The following PLIN2 variants were observed in gnomAD, a reference collection of about 807,000 sequenced individuals.
The protein encoded by PLIN2 is perilipin 2, also known as perilipin-2.
A neutral mutation model predicts 30.6 loss-of-function variants in PLIN2; 33 were observed. That is an observed-to-expected ratio of 1.08 (90% CI 0.82 to 1.44). PLIN2 has a LOEUF of 1.44. Among genes scored for constraint, PLIN2 ranks in the 40% most tolerant of loss-of-function variants. The pLI, the probability that PLIN2 is intolerant of heterozygous loss-of-function variation, is 0.00. For missense variants in PLIN2, 610 were observed against 531.8 expected (o/e 1.15, Z -1.45); for synonymous variants, 205 against 201.1 (o/e 1.02, Z -0.16).
At chr9:19,125,059 C>G (rs923552640) in intron 3 of PLIN2, among the ~76,000 whole-genome samples, 2 of 152,132 alleles carry the variant, frequency 1.3e-5, no homozygotes, top group African/African-American at 4.8e-5. Flanking sequence ...GAGTAGCTGC[C>G]TCAGGGTGGT....
In PLIN2 at chr9:19,119,846, A is replaced by C. The variant is rs1818285542; in HGVS notation, c.596-15T>G. 2 of 1,541,824 alleles carry C rather than the reference A, an allele frequency of 1.3e-6. No homozygotes were observed. The highest frequency in any genetic ancestry group is 2.8e-5 in the African/African-American group (2 of 72,590). ...TGCTTCTTTTTCTGAAGTTAGAAAT[A>C]AGAGACAAAAAAACTTAAGGGATCA... On this transcript the variant is annotated splice_polypyrimidine_tract_variant and intron_variant, in intron 5 of 7. Transcript: ENST00000276914.
intron 7 of PLIN2, among the ~76,000 whole-genome samples, chr9:19,117,214 G>T (rs970274651): frequency 6.6e-6 from 1 of 151,322 alleles, no homozygotes; most frequent in Non-Finnish European, 1.5e-5. Context: ...AGGCTGGAGG[G>T]CACTGGCACA....
chr9:19,120,927 G>A lies in PLIN2; in HGVS notation c.548C>T (p.Ser183Leu). The A allele has an allele frequency of 6.2e-7, 1 of 1,613,992 alleles. No individual in the cohort carries two copies. The highest frequency in any genetic ancestry group is 1.1e-5 in the South Asian group (1 of 91,080). ...GAGGTACTGTTCTACCAACAGCTCT[G>A]ATTTGGTGAGTGCATTTTCTACGCC... Reference protein sequence around the residue: ...SSGVENALTKSELLVEQYLPL... With the variant: ...SSGVENALTKLELLVEQYLPL... Residue 183 changes from serine (S) to leucine (L), a missense_variant, in exon 5 of 8, where the codon TCA (serine) becomes TTA (leucine). Ser to Leu is a moderately radical substitution (Grantham distance 145, BLOSUM62 -2). Transcript: ENST00000276914.
At chr9:19,114,038 A>C (rs1818189972), downstream of PLIN2, among the ~76,000 whole-genome samples, 2 of 151,942 alleles carry the variant, frequency 1.3e-5, no homozygotes, top group African/African-American at 4.8e-5. Flanking sequence ...TCAGCCTCCC[A>C]ATGTGCTGGG....
intron 3 of PLIN2, 68 bp from the exon 4 acceptor site, chr9:19,123,715 G>T (rs552557581): frequency 4.3e-6 from 6 of 1,381,336 alleles, no homozygotes; most frequent in Non-Finnish European, 6.0e-6. Flanking sequence ...ATTACCATAG[G>T]CCTTATAAAA....
chr9:19,113,551 G>C (rs150426761), downstream of PLIN2, among the ~76,000 whole-genome samples: 637 of 149,726 alleles, frequency 4.3e-3, 5 homozygotes, highest in South Asian at 0.014. Flanking sequence ...GTTACAATGA[G>C]AAGAAAAAAT....
chr9:19,114,658 C>T (rs1818197170), downstream of PLIN2, among the ~76,000 whole-genome samples: 1 of 152,150 alleles, frequency 6.6e-6, no homozygotes, highest in South Asian at 2.1e-4. Flanking sequence ...CCTGCCTCGG[C>T]CTCCCAAAGT....
chr9:19,123,879 C>T (rs757818793), intron 3 of PLIN2, among the ~76,000 whole-genome samples: 22 of 151,844 alleles, frequency 1.4e-4, no homozygotes, highest in Non-Finnish European at 2.6e-4. Context: ...ATTAGCTGGG[C>T]GTGATGGTGT....
At chr9:19,124,553 C>A (rs1431897759) in intron 3 of PLIN2, among the ~76,000 whole-genome samples, 1 of 152,146 alleles carries the variant, frequency 6.6e-6, no homozygotes, top group Non-Finnish European at 1.5e-5. Flanking sequence ...CCTGGCTTAA[C>A]CATTTGAAAG....
At chr9:19,111,333 C>CCACCG (rs573307319), downstream of PLIN2, among the ~76,000 whole-genome samples, 14 of 152,294 alleles carry the variant, frequency 9.2e-5, no homozygotes, top group South Asian at 2.9e-3. Flanking sequence ...CAGGCATGAG[C>CCACCG]CACCGCACCT....
chr9:19,110,220 G>T (rs2131171569), intron 2 of PLIN2, among the ~76,000 whole-genome samples: 1 of 151,812 alleles, frequency 6.6e-6, no homozygotes, highest in Non-Finnish European at 1.5e-5. Flanking sequence ...TAGAGATGGG[G>T]TTTCACCATG....
Position 19,121,103 on chromosome 9 carries a change from A to G in PLIN2, c.372T>C (p.Thr124=). The change falls in exon 5 of 8, where the codon ACT becomes ACC. Residue 124 remains threonine (T), a synonymous_variant. Coordinates refer to ENST00000276914, the MANE Select transcript of PLIN2 (RefSeq NM_001122.4). The part of the protein sequence containing the change: ...GAKDAVTTTV[T]GAKDSVASTI... ...TGCTGGCCACAGAATCCTTGGCCCC[A>G]GTCACAGTAGTCGTCACAGCATCTT... 1.9e-6 allele frequency: 3 copies of G among 1,614,170 alleles called. No homozygotes were observed. Among genetic ancestry groups the G allele is most frequent in the Non-Finnish European group, 2.5e-6 (3 of 1,180,010 alleles).
chr9:19,124,277 G>C (rs1818364105), intron 3 of PLIN2, among the ~76,000 whole-genome samples: 1 of 152,126 alleles, frequency 6.6e-6, no homozygotes, highest in South Asian at 2.1e-4. Context: ...GTCATTCAGA[G>C]AATAAGGTAT....
chr9:19,110,173 G>A (rs965283813), intron 2 of PLIN2, among the ~76,000 whole-genome samples: 21 of 151,908 alleles, frequency 1.4e-4, no homozygotes, highest in Admixed American at 5.3e-4. Flanking sequence ...ACAGGCGTGC[G>A]CTGCAACCAT....
chr9:19,110,385 G>A (rs1489999864), intron 2 of PLIN2, among the ~76,000 whole-genome samples: 1 of 152,134 alleles, frequency 6.6e-6, no homozygotes, highest in Admixed American at 6.5e-5. Flanking sequence ...AACGGTGATG[G>A]TTGTATAACA....
At chr9:19,120,630 A>G (rs1818299624) in intron 5 of PLIN2, among the ~76,000 whole-genome samples, 1 of 152,074 alleles carries the variant, frequency 6.6e-6, no homozygotes. Context: ...GGATCGTTTG[A>G]GCCCAGGAGT....
chr9:19,108,666 A>T (rs1351002641), exon 3 of PLIN2: 1 of 152,658 alleles, frequency 6.6e-6, no homozygotes, highest in Non-Finnish European at 1.5e-5. Context: ...GAATTATTTG[A>T]TCCGTTCTCC....
intron 5 of PLIN2, 22 bp from the exon 6 acceptor site, chr9:19,119,853 A>C (rs751748654): frequency 1.3e-6 from 2 of 1,514,984 alleles, no homozygotes; most frequent in Admixed American, 3.9e-5. Context: ...AATAAGAGAC[A>C]AAAAAACTTA....
exon 3 of PLIN2, chr9:19,108,642 G>C (rs930752265): frequency 6.6e-6 from 1 of 152,592 alleles, no homozygotes; most frequent in Non-Finnish European, 1.5e-5. Context: ...GAGAGGACAG[G>C]GCCATTAGCA....
Sources: allele counts gnomAD v4.1 joint callset (sites outside exome capture counted in the v4.1 genomes callset), GRCh38; gene constraint gnomAD v4.1.1; transcripts MANE v1.5; gene names NCBI Gene and HGNC (gene_info 2026-07-23, HGNC 2026-07-21).